Variants in DNM2 observed in about 807,000 individuals in gnomAD.
DNM2 encodes dynamin 2.
DNM2 carries 15 observed loss-of-function variants against 99.0 expected under a neutral mutation model. The ratio of observed to expected loss-of-function variants is 0.15; its 90% CI spans 0.10 to 0.23. The LOEUF is 0.23. DNM2 is among the 10% of genes least tolerant of loss of function. The probability of loss-of-function intolerance (pLI) is 1.00; values close to 1 mark genes in which losing one functional copy is unlikely to be tolerated. For missense variants in DNM2, 742 were observed against 1,189.4 expected (o/e 0.62, Z 5.53); for synonymous variants, 525 against 481.2 (o/e 1.09, Z -1.19).
intron 10 of DNM2, 200 bp from the exon 11 acceptor site, chr19:10,798,286 G>A (rs1036748183): frequency 3.3e-6 from 2 of 603,506 alleles, no homozygotes; most frequent in South Asian, 3.8e-5. Flanking sequence ...CTCTCCTGCT[G>A]TCTCCGGTCC....
intron 17 of DNM2, 62 bp from the exon 18 acceptor site, chr19:10,824,995 C>T (rs1319059373): frequency 1.9e-6 from 3 of 1,610,686 alleles, no homozygotes; most frequent in Non-Finnish European, 2.5e-6. Flanking sequence ...AGATGGTTTC[C>T]AGAGAACCAG....
In DNM2 at chr19:10,811,676, C is replaced by G. The variant is rs1019063019; in HGVS notation, c.1558-588C>G. On this transcript the variant is annotated intron_variant, in intron 14 of 20. Coordinates refer to ENST00000389253, the MANE Select transcript of DNM2 (RefSeq NM_001005361.3). The surrounding 1 kb of genome is among the most constrained non-coding windows in gnomAD (Gnocchi z 5.4). ...CCTGCCGTTAGTTGTCAGGTGAGTC[C>G]CTGCGCAGGCCTGGGTTCTGACCCC... 1.9e-6 allele frequency: 1 copy of G among 513,756 alleles called. No individual in the cohort carries two copies. Among genetic ancestry groups the G allele is most frequent in the Non-Finnish European group, 3.9e-6 (1 of 257,966 alleles). 31.8% of individuals were successfully genotyped at this position (513,756 alleles called of 1,614,324 possible). A position where few individuals can be genotyped will look rare whatever the true frequency, so the allele number is the denominator to read the frequency against.
rs2072727550 is a variant in DNM2 at position 10,816,041 on chromosome 19, T to C, written c.1671+3664T>C. Among the ~76,000 whole-genome samples, 1 of 152,080 alleles carries C rather than the reference T, an allele frequency of 6.6e-6. No homozygotes were observed. The highest frequency in any genetic ancestry group is 2.1e-4 in the South Asian group (1 of 4,828). ...ACTCCCCGTGAGGAAACCCTCACGC[T>C]TGCTATTCGGGTGGCTCTGTGGTCA... On this transcript the variant is annotated intron_variant, in intron 15 of 20. Coordinates refer to ENST00000389253, the MANE Select transcript of DNM2 (RefSeq NM_001005361.3). This position sits in a 1 kb window ranked among gnomAD's most constrained non-coding sequence, Gnocchi z 4.6.
At chr19:10,749,356 C>T (rs2145804996) in intron 1 of DNM2, among the ~76,000 whole-genome samples, 1 of 152,332 alleles carries the variant, frequency 6.6e-6, no homozygotes. Context: ...CCTGGCACCT[C>T]TCCCATCGCT....
intron 1 of DNM2, among the ~76,000 whole-genome samples, chr19:10,732,401 C>G (rs1252888356): frequency 6.7e-6 from 1 of 149,954 alleles, no homozygotes; most frequent in Non-Finnish European, 1.5e-5. Context: ...GAGATTGAGA[C>G]CATCCTGACT....
chr19:10,780,029 T>C (rs1345441567), intron 5 of DNM2, among the ~76,000 whole-genome samples: 1 of 152,172 alleles, frequency 6.6e-6, no homozygotes, highest in East Asian at 1.9e-4. Flanking sequence ...TGCCTTTCCC[T>C]TCATGCTTAG....
At chr19:10,806,302 T>C (rs1160483980) in intron 13 of DNM2, among the ~76,000 whole-genome samples, 1 of 151,790 alleles carries the variant, frequency 6.6e-6, no homozygotes, top group African/African-American at 2.4e-5. Context: ...GGAGGATCAC[T>C]TGAGGCTAAG....
rs2070543678 is a variant in DNM2, at chr19:10,759,495, TG to T, written c.162-239del. 7.0e-6 allele frequency: 4 copies of T among 571,324 alleles called. No homozygotes were observed. The East Asian group carries it at 1.2e-4, about 17-fold the overall frequency. 35.4% of individuals were successfully genotyped at this position (571,324 alleles called of 1,614,324 possible). On this transcript the variant is annotated intron_variant, in intron 1 of 20. Transcript: ENST00000389253. ...ATGGGCCCCCTGGGAGTACGGGGGG[TG>T]GGGCACAGCCTGCCAGAGGGAAATG...
intron 6 of DNM2, among the ~76,000 whole-genome samples, chr19:10,784,251 G>A (rs1008787838): frequency 6.6e-6 from 1 of 152,076 alleles, no homozygotes; most frequent in Non-Finnish European, 1.5e-5. Flanking sequence ...TCTAATGGGG[G>A]AGACTGACAC....
intron 1 of DNM2, among the ~76,000 whole-genome samples, chr19:10,731,340 C>G (rs1047651973): frequency 6.6e-6 from 1 of 150,396 alleles, no homozygotes; most frequent in Non-Finnish European, 1.5e-5. Context: ...CCAGGTTGTT[C>G]TTTTCTTTTC....
intron 7 of DNM2, among the ~76,000 whole-genome samples, chr19:10,792,732 C>T (rs747299826): frequency 2.0e-5 from 3 of 152,008 alleles, no homozygotes; most frequent in East Asian, 1.9e-4. Flanking sequence ...CTCAGCCTCC[C>T]GATTAACTGG....
At chr19:10,750,426 G>C (rs548861543) in intron 1 of DNM2, among the ~76,000 whole-genome samples, 1 of 151,966 alleles carries the variant, frequency 6.6e-6, no homozygotes, top group East Asian at 1.9e-4. Flanking sequence ...CTGCAGTGAG[G>C]TATGATTGTG....
chr19:10,782,102 A>G (rs933207495), intron 5 of DNM2, among the ~76,000 whole-genome samples: 10 of 151,980 alleles, frequency 6.6e-5, no homozygotes, highest in African/African-American at 2.4e-4. Flanking sequence ...GGGTGATTAC[A>G]GCTTGCTGCA....
At chr19:10,804,891 G>A (rs1303267889) in intron 12 of DNM2, among the ~76,000 whole-genome samples, 2 of 152,146 alleles carry the variant, frequency 1.3e-5, no homozygotes, top group Non-Finnish European at 2.9e-5. Context: ...AGCAAAGGAA[G>A]GTGACCAAGC....
In DNM2 at chr19:10,740,998, C is replaced by T. The variant is rs147222047; in HGVS notation, c.162-18740C>T. Reference sequence around the variant, plus strand: ...ATGTTTTATGGCTTGGCCTCGAATACGGTGTGTCCTGGAGAATGTTCCATA... The same window carrying T: ...ATGTTTTATGGCTTGGCCTCGAATATGGTGTGTCCTGGAGAATGTTCCATA... On this transcript the variant is annotated intron_variant, in intron 1 of 20. Transcript: ENST00000389253. Among the ~76,000 whole-genome samples the T allele has an allele frequency of 1.5e-3, 225 of 152,220 alleles. 3 individuals are homozygous for T. Among genetic ancestry groups the T allele is most frequent in the East Asian group, 1.5e-3 (8 of 5,186 alleles).
At chr19:10,768,256 A>G (rs1015562168) in intron 2 of DNM2, among the ~76,000 whole-genome samples, 2 of 152,146 alleles carry the variant, frequency 1.3e-5, no homozygotes, top group Non-Finnish European at 2.9e-5. Context: ...GATCGCGATC[A>G]TCCTGGCTAA....
chr19:10,722,909 G>T (rs997262046), intron 1 of DNM2, among the ~76,000 whole-genome samples: 2 of 151,790 alleles, frequency 1.3e-5, no homozygotes, highest in South Asian at 2.1e-4. Flanking sequence ...TTACAGGTGT[G>T]AGCCACTGCG....
rs745750222 is a variant in DNM2 at position 10,817,425 on chromosome 19, A to C, written c.1672-2555A>C. On this transcript the variant is annotated intron_variant, in intron 15 of 20. Transcript: ENST00000389253. This position sits in a 1 kb window ranked among gnomAD's most constrained non-coding sequence, Gnocchi z 4.6. ...CTCGACGAGCCGCTCACCCAAGCCC[A>C]GCCTAACCAATGTGCAGACTACTGT... The C allele has an allele frequency of 1.9e-5, 10 of 514,004 alleles. No homozygotes were observed. The highest frequency in any genetic ancestry group is 1.3e-4 in the South Asian group (9 of 68,510). The allele number at this position is 514,004 out of a possible 1,614,324, so 31.8% of individuals were successfully genotyped here. A position where few individuals can be genotyped will look rare whatever the true frequency, so the allele number is the denominator to read the frequency against.
chr19:10,770,124 C>T (rs866015893), intron 2 of DNM2, among the ~76,000 whole-genome samples: 1 of 152,162 alleles, frequency 6.6e-6, no homozygotes, highest in Non-Finnish European at 1.5e-5. Context: ...GCCAGAGTGC[C>T]GTAGTTTCTT....
Sources: gnomAD v4.1 joint callset for allele counts (sites outside exome capture counted in the v4.1 genomes callset) on GRCh38, gnomAD v4.1.1 for gene constraint, Gnocchi (gnomAD v3.1) non-coding constraint, MANE v1.5 for transcripts, NCBI Gene and HGNC (gene_info 2026-07-23, HGNC 2026-07-21) for gene names.